The following SLC26A5 variants were observed in gnomAD, a reference collection of about 807,000 sequenced individuals.
SLC26A5 encodes the protein solute carrier family 26 member 5.
SLC26A5 carries 51 observed loss-of-function variants against 81.0 expected under a neutral mutation model. The observed-to-expected ratio is 0.63, with a 90% CI of 0.50 to 0.80. SLC26A5 has a LOEUF of 0.80. Among genes scored for constraint, SLC26A5 ranks in the 30% least tolerant of loss-of-function variants. The probability of loss-of-function intolerance (pLI) is 0.00; values close to 1 mark genes in which losing one functional copy is unlikely to be tolerated. For missense variants in SLC26A5, 771 were observed against 905.8 expected (o/e 0.85, Z 1.91); for synonymous variants, 325 against 332.8 (o/e 0.98, Z 0.25).
intron 2 of SLC26A5, among the ~76,000 whole-genome samples, chr7:103,439,248 G>C (rs919656925): frequency 6.6e-6 from 1 of 152,118 alleles, no homozygotes. Context: ...GGGAGGAATG[G>C]GAAGAGGCTA....
intron 19 of SLC26A5, among the ~76,000 whole-genome samples, chr7:103,375,983 C>A (rs781401108): frequency 1.3e-5 from 2 of 150,600 alleles, no homozygotes; most frequent in Non-Finnish European, 3.0e-5. Context: ...TCTCGATCTT[C>A]TGACCTCAGG....
At chr7:103,359,780 G>C (rs1360345258) in intron 19 of SLC26A5, among the ~76,000 whole-genome samples, 3 of 152,010 alleles carry the variant, frequency 2.0e-5, no homozygotes, top group Non-Finnish European at 4.4e-5. Flanking sequence ...TTCTTGTACT[G>C]ATTTAAGGTT....
chr7:103,439,950 A>G (rs1299534836), intron 2 of SLC26A5, among the ~76,000 whole-genome samples: 2 of 152,270 alleles, frequency 1.3e-5, no homozygotes, highest in East Asian at 1.9e-4. Context: ...CTTCCGGTCT[A>G]TGCTCAATAT....
At chr7:103,404,324 G>A (rs897435114) in intron 8 of SLC26A5, among the ~76,000 whole-genome samples, 27 of 152,124 alleles carry the variant, frequency 1.8e-4, no homozygotes, top group Admixed American at 4.6e-4. Flanking sequence ...GGCTGGTACC[G>A]GGTTTTCCTT....
rs72106385 is a variant in SLC26A5, at chr7:103,397,716, CA to C, written c.971+215del. Among the ~76,000 whole-genome samples, 58,497 of 118,366 alleles carry C rather than the reference CA, an allele frequency of 0.49. 13,601 individuals are homozygous for C. Among genetic ancestry groups the C allele is most frequent in the Middle Eastern group, 0.67 (154 of 230 alleles). The allele number at this position is 118,366 out of a possible 152,430, so 77.7% of individuals were successfully genotyped here. A position where few individuals can be genotyped will look rare whatever the true frequency, so the allele number is the denominator to read the frequency against. On this transcript the variant is annotated intron_variant, in intron 9 of 19. Transcript: ENST00000306312. ...CAGGCGACAGAGTGAGACTTCGTCT[CA>C]AAAAAAAAAAAAAAAGGTTAAGACA... is the stretch of plus-strand genomic sequence containing the variant.
intron 9 of SLC26A5, among the ~76,000 whole-genome samples, chr7:103,394,803 G>C (rs2116508009): frequency 6.6e-6 from 1 of 152,188 alleles, no homozygotes; most frequent in African/African-American, 2.4e-5. Context: ...GCTATATTTG[G>C]GCTGGCCTCG....
downstream of SLC26A5, among the ~76,000 whole-genome samples, chr7:103,372,668 C>G (rs1388233801): frequency 1.3e-5 from 2 of 152,132 alleles, no homozygotes; most frequent in African/African-American, 4.8e-5. Flanking sequence ...TTATGAACTT[C>G]TAAGGAAGAT....
At chr7:103,403,895 T>C (rs1435662303) in intron 8 of SLC26A5, among the ~76,000 whole-genome samples, 1 of 152,106 alleles carries the variant, frequency 6.6e-6, no homozygotes, top group Admixed American at 6.6e-5. Context: ...AATATTGTTA[T>C]GCGTGGGCCA....
At chr7:103,354,596 T>C (rs1167516656) in intron 19 of SLC26A5, among the ~76,000 whole-genome samples, 1 of 151,954 alleles carries the variant, frequency 6.6e-6, no homozygotes, top group Admixed American at 6.6e-5. Flanking sequence ...TCTTGAATTA[T>C]TGACCTCAGG....
At chr7:103,431,724 T>C (rs1452495724) in intron 2 of SLC26A5, among the ~76,000 whole-genome samples, 1 of 152,226 alleles carries the variant, frequency 6.6e-6, no homozygotes, top group Non-Finnish European at 1.5e-5. Flanking sequence ...GTATTTCAGG[T>C]GGGATTTGTA....
chr7:103,429,327 T>C (rs1375995146), intron 2 of SLC26A5, among the ~76,000 whole-genome samples: 1 of 152,226 alleles, frequency 6.6e-6, no homozygotes, highest in Non-Finnish European at 1.5e-5. Flanking sequence ...AACCTTTTAA[T>C]CTCAAATATG....
chr7:103,379,176 G>T, intron 16 of SLC26A5, 67 bp downstream of exon 16: 1 of 1,085,320 alleles, frequency 9.2e-7, no homozygotes, highest in Non-Finnish European at 1.4e-6. Context: ...AGGTATACTA[G>T]TGATCCTCAT....
chr7:103,374,413 T>C lies in SLC26A5; in HGVS notation c.2221A>G (p.Thr741Ala). The part of the protein sequence containing the change: ...EDLEPNATPA[T>A]PEA ...GAGGTCCTCATCTATGCCTCAGGAG[T>C]GGCAGGAGTGGCATTGGGCTCCAAG... is the stretch of plus-strand genomic sequence containing the variant. Residue 741 changes from threonine (T) to alanine (A), a missense_variant, in exon 20 of 20, where the codon ACT becomes GCT. Transcript: ENST00000306312. 2.5e-6 allele frequency: 4 copies of C among 1,612,062 alleles called. No homozygotes were observed. Among genetic ancestry groups the C allele is most frequent in the Non-Finnish European group, 3.4e-6 (4 of 1,179,908 alleles).
intron 19 of SLC26A5, among the ~76,000 whole-genome samples, chr7:103,364,954 C>CGTACATATATATATATAT (rs1486934625): frequency 5.1e-5 from 2 of 38,962 alleles, no homozygotes; most frequent in Non-Finnish European, 9.0e-5. Flanking sequence ...TGTTTGTAGA[C>CGTACATATATATATATAT]ATACATATAT....
intron 8 of SLC26A5, 116 bp downstream of exon 8, chr7:103,407,735 C>T: frequency 8.4e-7 from 1 of 1,195,944 alleles, no homozygotes. Context: ...AAATTGTAAC[C>T]TTCTTTTGGC....
intron 2 of SLC26A5, among the ~76,000 whole-genome samples, chr7:103,439,144 A>G (rs1030302334): frequency 1.6e-4 from 24 of 152,186 alleles, no homozygotes; most frequent in Admixed American, 1.1e-3. Flanking sequence ...CACATTTCTT[A>G]GAACAGGAGG....
intron 14 of SLC26A5, among the ~76,000 whole-genome samples, chr7:103,387,214 A>C (rs997459428): frequency 1.2e-4 from 19 of 152,218 alleles, no homozygotes; most frequent in Non-Finnish European, 2.2e-4. Flanking sequence ...AAGGTAGTTA[A>C]ATTCTTATCC....
In SLC26A5 at chr7:103,389,535, C is replaced by A. The variant is rs1019582011; in HGVS notation, c.1312-111G>T. The A allele has an allele frequency of 5.0e-5, 39 of 787,598 alleles. 1 individual carries two copies. The highest frequency in any genetic ancestry group is 2.6e-4 in the Middle Eastern group (1 of 3,820). 48.8% of individuals were successfully genotyped at this position (787,598 alleles called of 1,614,324 possible). On this transcript the variant is annotated intron_variant, in intron 12 of 19. Coordinates refer to ENST00000306312, the MANE Select transcript of SLC26A5 (RefSeq NM_198999.3). ...CCCCATGCCTTCTCCCTACTCACTTCCTATATGGCACCGATGGTAGCTTTG... is the reference window on the plus strand; with the variant it reads ...CCCCATGCCTTCTCCCTACTCACTTACTATATGGCACCGATGGTAGCTTTG...
At chr7:103,442,916 AGT>A in intron 2 of SLC26A5, among the ~76,000 whole-genome samples, 165 bp downstream of exon 2, 1 of 152,364 alleles carries the variant, frequency 6.6e-6, no homozygotes, top group East Asian at 1.9e-4. Context: ...TTAAAAGGTA[AGT>A]GTAAGGTGTG....
Sources: allele counts gnomAD v4.1 joint callset (sites outside exome capture counted in the v4.1 genomes callset), GRCh38; gene constraint gnomAD v4.1.1; transcripts MANE v1.5; gene names NCBI Gene and HGNC (gene_info 2026-07-23, HGNC 2026-07-21).